The following CPT1A variants were observed in gnomAD, a reference collection of about 807,000 sequenced individuals.
CPT1A encodes carnitine palmitoyltransferase 1A.
CPT1A carries 64 observed loss-of-function variants against 100.8 expected under a neutral mutation model. That is an observed-to-expected ratio of 0.63 (90% confidence interval 0.52 to 0.78). CPT1A has a LOEUF of 0.78. Ranked by LOEUF, CPT1A falls within the 30% of genes least tolerant of loss-of-function variation. CPT1A has a pLI of 0.00. For synonymous variants in CPT1A, 363 were observed against 396.0 expected (o/e 0.92, Z 0.99); for missense variants, 802 against 1,034.1 (o/e 0.78, Z 3.08).
At chr11:68,754,774 T>C (rs1946661753), downstream of CPT1A, 2 of 780,624 alleles carry the variant, frequency 2.6e-6, no homozygotes, top group African/African-American at 3.4e-5. Flanking sequence ...CATGGTCTCC[T>C]CCAAGGCCTT....
At chr11:68,780,569 C>T in intron 12 of CPT1A, 71 bp downstream of exon 12, 2 of 1,357,312 alleles carry the variant, frequency 1.5e-6, no homozygotes, top group Non-Finnish European at 2.1e-6. Context: ...CAGGTGTGCG[C>T]CACTGCGCCT....
chr11:68,781,846 CCTT>C lies in CPT1A; in HGVS notation c.1274_1276del (p.Glu425del), dbSNP rs747376723. 1 of 1,614,144 alleles carries C rather than the reference CCTT, an allele frequency of 6.2e-7. No homozygotes were observed. Among genetic ancestry groups the C allele is most frequent in the African/African-American group, 1.3e-5 (1 of 75,020 alleles). ...CGTATCCGGGTCTTCACTTCTGTATCCTTCTTCAGTTTCATCTAACGTCACAAA... is the reference window on the plus strand; with the variant it reads ...CGTATCCGGGTCTTCACTTCTGTATCCTTCAGTTTCATCTAACGTCACAAA... On this transcript the variant is annotated inframe_deletion, in exon 11 of 19. Transcript: ENST00000265641.
upstream of CPT1A, among the ~76,000 whole-genome samples, chr11:68,842,249 C>A (rs1857178106): frequency 6.6e-6 from 1 of 152,116 alleles, no homozygotes; most frequent in Non-Finnish European, 1.5e-5. Context: ...ATGGTATTCA[C>A]CCCTGACTCT....
chr11:68,825,260 T>C lies in CPT1A; in HGVS notation c.-13-9773A>G, dbSNP rs552561024. Reference sequence around the variant, plus strand: ...TTTGAGATCTCCTGATGTTTTAGAATGTGTTGAATGAAATGAAACATTCAT... The same window carrying C: ...TTTGAGATCTCCTGATGTTTTAGAACGTGTTGAATGAAATGAAACATTCAT... On this transcript the variant is annotated intron_variant, in intron 1 of 18. Coordinates refer to ENST00000265641, the MANE Select transcript of CPT1A (RefSeq NM_001876.4). Among the ~76,000 whole-genome samples the C allele has an allele frequency of 2.0e-5, 3 of 152,264 alleles. No individual in the cohort carries two copies. The South Asian group carries it at 6.2e-4, about 32-fold the overall frequency.
At chr11:68,783,971 G>A (rs1594336774) in intron 10 of CPT1A, among the ~76,000 whole-genome samples, 1 of 152,194 alleles carries the variant, frequency 6.6e-6, no homozygotes, top group African/African-American at 2.4e-5. Context: ...CTGGGCTCAA[G>A]CAATCCTCCT....
chr11:68,791,792 C>T (rs1311045856), intron 9 of CPT1A, among the ~76,000 whole-genome samples: 2 of 152,108 alleles, frequency 1.3e-5, no homozygotes, highest in African/African-American at 4.8e-5. Flanking sequence ...CCACTTCGGC[C>T]TCCCAAAATG....
chr11:68,793,714 C>T (rs979151556), intron 8 of CPT1A, among the ~76,000 whole-genome samples: 5 of 151,080 alleles, frequency 3.3e-5, no homozygotes, highest in African/African-American at 1.2e-4. Context: ...CCACTACACT[C>T]CAGCCTCGGC....
chr11:68,767,872 C>G (rs903449026), intron 14 of CPT1A, among the ~76,000 whole-genome samples: 1 of 151,940 alleles, frequency 6.6e-6, no homozygotes, highest in Non-Finnish European at 1.5e-5. Flanking sequence ...TCTCTTGCAT[C>G]ATGGGAATTC....
In CPT1A at chr11:68,775,328, G is replaced by T. The variant is rs757551678; in HGVS notation, c.1563C>A (p.Asp521Glu). The T allele has an allele frequency of 6.2e-7, 1 of 1,612,764 alleles. No homozygotes were observed. Among genetic ancestry groups the T allele is most frequent in the Non-Finnish European group, 8.5e-7 (1 of 1,178,768 alleles). The change falls in exon 13 of 19, where the codon GAC becomes GAA. Residue 521 changes from aspartate (D) to glutamate (E), a missense_variant. This residue lies in a region of CPT1A where 627 missense variants were observed against 799.3 expected (regional missense o/e 0.78). Transcript: ENST00000265641. ...AATCCGGACTTACTTCCCCCGGGAT[G>T]TCCCACTGCAGCCTGGTGGGGTACG... ...NIPYPTRLQW[D>E]IPGECQEVIE...
intron 14 of CPT1A, among the ~76,000 whole-genome samples, chr11:68,771,120 C>CT (rs1211567069): frequency 6.6e-6 from 1 of 152,226 alleles, no homozygotes; most frequent in East Asian, 1.9e-4. Context: ...TGTGGAGTCT[C>CT]TGAGCTGCAA....
Position 68,799,292 on chromosome 11 carries a change from G to A in CPT1A, c.619C>T (p.Gln207Ter). Reference protein sequence around the residue: ...EDFKRMTALAQDFAVGLGPRL... With the variant: ...EDFKRMTALA The stretch of plus-strand genomic sequence containing the variant: ...GGTCCAAGACCGACAGCAAAATCTT[G>A]AGCAAGTGCTGTCATCCGTTTGAAG... The change falls in exon 6 of 19, where the codon CAA becomes TAA. Residue 207 changes from glutamine to a stop codon, truncating the protein, a stop_gained. Transcript: ENST00000265641. LOFTEE classifies it high-confidence loss of function. 1 of 1,613,980 alleles carries A rather than the reference G, an allele frequency of 6.2e-7. No individual in the cohort carries two copies. Among genetic ancestry groups the A allele is most frequent in the Non-Finnish European group, 8.5e-7 (1 of 1,179,906 alleles).
Position 68,755,686 on chromosome 11 carries a change from C to T in CPT1A, c.*1958G>A, listed in dbSNP as rs555499476. 2.1e-5 allele frequency: 3 copies of T among 145,900 alleles called. No individual in the cohort carries two copies. The highest frequency in any genetic ancestry group is 7.5e-5 in the African/African-American group (3 of 39,946). 9.0% of individuals were successfully genotyped at this position (145,900 alleles called of 1,614,324 possible). The stretch of plus-strand genomic sequence containing the variant: ...GGCCTCCCAAAGTGCTGGGATTACA[C>T]GCATGAGCCACCGCGCCTGGACGCT... On this transcript the variant is annotated 3_prime_UTR_variant, in exon 19 of 19. Coordinates refer to ENST00000265641, the MANE Select transcript of CPT1A (RefSeq NM_001876.4).
chr11:68,816,467 G>A (rs1302067874), intron 1 of CPT1A, among the ~76,000 whole-genome samples: 6 of 152,184 alleles, frequency 3.9e-5, no homozygotes, highest in Non-Finnish European at 8.8e-5. Flanking sequence ...CAGCCCCTGG[G>A]GAGAGCATCC....
chr11:68,813,339 T>C (rs989880680), intron 2 of CPT1A, among the ~76,000 whole-genome samples: 13 of 151,954 alleles, frequency 8.6e-5, no homozygotes, highest in African/African-American at 2.9e-4. Flanking sequence ...GAAACCAGCC[T>C]GACCAACATG....
rs929732624 is a variant in CPT1A at position 68,841,742 on chromosome 11, CCA to C, written c.-14+31_-14+32del. 7.2e-6 allele frequency: 7 copies of C among 966,798 alleles called. No individual in the cohort carries two copies. The East Asian group carries it at 8.0e-4, about 110-fold the overall frequency. 59.9% of individuals were successfully genotyped at this position (966,798 alleles called of 1,614,324 possible). ...CCCCGCAGCCCGCAGGGCCGCCCCG[CCA>C]CCCTCCCCACCGCGGGCGACCGGGC... On this transcript the variant is annotated intron_variant, in intron 1 of 18. Transcript: ENST00000265641. The surrounding 1 kb of genome is among the most constrained non-coding windows in gnomAD (Gnocchi z 6.3).
intron 14 of CPT1A, among the ~76,000 whole-genome samples, chr11:68,771,662 A>G (rs1416474817): frequency 6.6e-6 from 1 of 152,242 alleles, no homozygotes; most frequent in Non-Finnish European, 1.5e-5. Flanking sequence ...TACAGACTGT[A>G]TTAGCATGCA....
chr11:68,798,922 G>A (rs1398426919), intron 6 of CPT1A, among the ~76,000 whole-genome samples: 5 of 152,178 alleles, frequency 3.3e-5, no homozygotes, highest in Admixed American at 3.3e-4. Flanking sequence ...AGCACTTTGG[G>A]AGGCCGAGGT....
chr11:68,764,561 C>G (rs1374227838), intron 14 of CPT1A, among the ~76,000 whole-genome samples: 1 of 152,048 alleles, frequency 6.6e-6, no homozygotes, highest in Non-Finnish European at 1.5e-5. Flanking sequence ...ACCCACTCAG[C>G]TGGGGAACGG....
intron 9 of CPT1A, 27 bp downstream of exon 9, chr11:68,793,288 A>G: frequency 6.4e-7 from 1 of 1,552,778 alleles, no homozygotes; most frequent in Non-Finnish European, 8.9e-7. Context: ...CCGATTCTCC[A>G]GGGGGCCCTG....
Sources: allele counts gnomAD v4.1 joint callset (sites outside exome capture counted in the v4.1 genomes callset), GRCh38; gene constraint gnomAD v4.1.1; regional missense constraint gnomAD v4.1.1; non-coding constraint Gnocchi (gnomAD v3.1); transcripts MANE v1.5; gene names NCBI Gene and HGNC (gene_info 2026-07-23, HGNC 2026-07-21).